NECTIN3: variants seen among roughly 807,000 people sequenced by gnomAD.
NECTIN3 encodes nectin cell adhesion molecule 3.
NECTIN3 carries 8 observed loss-of-function variants against 49.4 expected under a neutral mutation model. The observed-to-expected ratio is 0.16, with a 90% confidence interval of 0.10 to 0.29. The LOEUF (loss-of-function observed/expected upper bound fraction) is 0.29. Ranked by LOEUF, NECTIN3 falls within the 10% of genes least tolerant of loss-of-function variation. NECTIN3 has a pLI of 1.00. For synonymous variants in NECTIN3, 277 were observed against 241.1 expected (o/e 1.15, Z -1.38); for missense variants, 581 against 654.6 (o/e 0.89, Z 1.23).
At position 111,113,701 on chromosome 3, in the gene NECTIN3, A is replaced by C. The variant is rs570223198; in HGVS notation, c.502+1330A>C. ...GGAGGACATCAGTAAAAAAGGTAAC[A>C]CAAAGTACTGTATGGCTCACTCCTG... On this transcript the variant is annotated intron_variant, in intron 2 of 5. Coordinates refer to ENST00000485303, the MANE Select transcript of NECTIN3 (RefSeq NM_015480.3). Among the ~76,000 whole-genome samples, 17 of 152,254 alleles carry C rather than the reference A, an allele frequency of 1.1e-4. No individual in the cohort carries two copies. In the East Asian group the frequency reaches 2.9e-3, roughly 26 times the overall value.
At chr3:111,167,658 G>A (rs1042044962) in intron 7 of NECTIN3, among the ~76,000 whole-genome samples, 1 of 152,102 alleles carries the variant, frequency 6.6e-6, no homozygotes, top group Admixed American at 6.6e-5. Flanking sequence ...GACTATGCTG[G>A]GGATTGGTAG....
intron 3 of NECTIN3, among the ~76,000 whole-genome samples, chr3:111,121,367 G>C (rs1318325447): frequency 3.9e-5 from 6 of 152,086 alleles, no homozygotes; most frequent in Non-Finnish European, 5.9e-5. Context: ...GAGCTAAACA[G>C]AGTGATGGTT....
chr3:111,090,157 G>T (rs187584077), intron 1 of NECTIN3, among the ~76,000 whole-genome samples: 1 of 152,168 alleles, frequency 6.6e-6, no homozygotes, highest in African/African-American at 2.4e-5. Context: ...TCTTTTGTAA[G>T]CAGCAGATAT....
intron 1 of NECTIN3, among the ~76,000 whole-genome samples, chr3:111,083,365 G>A (rs72935992): frequency 0.046 from 6,965 of 152,200 alleles, 540 homozygotes; most frequent in African/African-American, 0.16. Flanking sequence ...GGTGTTAGGG[G>A]GCATAGGGCC....
rs537915784 is a variant in NECTIN3 at position 111,104,999 on chromosome 3, T to C, written c.161-7031T>C. ...TCTTCTGATCCATGAATAAAGTATGTCTCTCCATTTCTTTAGATAATTCTT... is the reference window on the plus strand; with the variant it reads ...TCTTCTGATCCATGAATAAAGTATGCCTCTCCATTTCTTTAGATAATTCTT... On this transcript the variant is annotated intron_variant, in intron 1 of 5. Coordinates refer to ENST00000485303, the MANE Select transcript of NECTIN3 (RefSeq NM_015480.3). 7.2e-5 allele frequency among the ~76,000 whole-genome samples: 11 copies of C among 152,272 alleles called. No individual in the cohort carries two copies. In the East Asian group the frequency reaches 2.1e-3, roughly 29 times the overall value.
intron 1 of NECTIN3, among the ~76,000 whole-genome samples, chr3:111,083,084 G>C (rs1193747121): frequency 6.6e-6 from 1 of 152,098 alleles, no homozygotes; most frequent in African/African-American, 2.4e-5. Flanking sequence ...TACAGATGAA[G>C]CTTCACTTGC....
At chr3:111,126,687 T>C (rs1309559276) in intron 5 of NECTIN3, among the ~76,000 whole-genome samples, 1 of 152,172 alleles carries the variant, frequency 6.6e-6, no homozygotes, top group Admixed American at 6.5e-5. Context: ...TTTTTTTCTT[T>C]TGCTTTGATG....
chr3:111,083,501 G>A (rs1374744245), intron 1 of NECTIN3, among the ~76,000 whole-genome samples: 8 of 152,192 alleles, frequency 5.3e-5, no homozygotes, highest in African/African-American at 1.9e-4. Context: ...TAGCAGAAAA[G>A]CAGGCATCTG....
chr3:111,074,391 T>A, intron 1 of NECTIN3: 1 of 349,110 alleles, frequency 2.9e-6, no homozygotes, highest in Admixed American at 3.4e-5. Flanking sequence ...AAAAGATTTT[T>A]AAGCTTTAAA....
chr3:111,076,038 C>T (rs1259376968), intron 1 of NECTIN3, among the ~76,000 whole-genome samples: 1 of 152,068 alleles, frequency 6.6e-6, no homozygotes, highest in Admixed American at 6.6e-5. Flanking sequence ...ATCAAATCTT[C>T]CTTTCTTGCA....
At chr3:111,168,220 C>G (rs925010173) in intron 7 of NECTIN3, among the ~76,000 whole-genome samples, 4 of 152,030 alleles carry the variant, frequency 2.6e-5, no homozygotes, top group African/African-American at 9.7e-5. Context: ...AAGATAGAGT[C>G]ATTAATTCTA....
chr3:111,148,488 G>A (rs2034929770), intron 7 of NECTIN3, among the ~76,000 whole-genome samples: 1 of 152,074 alleles, frequency 6.6e-6, no homozygotes, highest in South Asian at 2.1e-4. Flanking sequence ...TCATCTCTTG[G>A]CAAATAAATG....
chr3:111,103,875 G>A (rs568133305), intron 1 of NECTIN3, among the ~76,000 whole-genome samples: 9 of 152,102 alleles, frequency 5.9e-5, no homozygotes, highest in African/African-American at 1.9e-4. Flanking sequence ...ATATTTCATT[G>A]TATGGGTTTA....
At position 111,186,390 on chromosome 3, in the gene NECTIN3, C is replaced by A. The variant is rs181855998; in HGVS notation, c.1222-5961C>A. Among the ~76,000 whole-genome samples, 631 of 151,900 alleles carry A rather than the reference C, an allele frequency of 4.2e-3. 4 individuals are homozygous for A. The highest frequency in any genetic ancestry group is 7.2e-3 in the Non-Finnish European group (489 of 67,934). On this transcript the variant is annotated intron_variant, in intron 7 of 8. Coordinates refer to the NECTIN3 transcript ENST00000493615. ...AGACCAATACGACAGAATGGAGAGC[C>A]CAAAAATAAAGCTGTACAGCTAACA...
intron 1 of NECTIN3, among the ~76,000 whole-genome samples, chr3:111,094,169 G>A (rs1576089390): frequency 6.6e-6 from 1 of 150,872 alleles, no homozygotes; most frequent in South Asian, 2.1e-4. Flanking sequence ...TTTCATACAA[G>A]GAAGGAAAAG....
At chr3:111,122,723 G>A (rs1576131342) in intron 4 of NECTIN3, among the ~76,000 whole-genome samples, 1 of 152,102 alleles carries the variant, frequency 6.6e-6, no homozygotes, top group Non-Finnish European at 1.5e-5. Context: ...CTTGTCTATA[G>A]CCATTTGTTT....
At chr3:111,114,277 C>T (rs1217855160) in intron 2 of NECTIN3, among the ~76,000 whole-genome samples, 2 of 152,070 alleles carry the variant, frequency 1.3e-5, no homozygotes, top group African/African-American at 4.8e-5. Context: ...GGGTGTTTCT[C>T]TTTCTGCCTG....
At chr3:111,184,115 T>TCTG (rs2035677636) in intron 7 of NECTIN3, among the ~76,000 whole-genome samples, 1 of 152,196 alleles carries the variant, frequency 6.6e-6, no homozygotes, top group South Asian at 2.1e-4. Context: ...CAGTGTCTAC[T>TCTG]CTGCTACTAA....
chr3:111,099,431 A>G (rs998206665), intron 1 of NECTIN3, among the ~76,000 whole-genome samples: 1 of 152,202 alleles, frequency 6.6e-6, no homozygotes, highest in African/African-American at 2.4e-5. Flanking sequence ...CACTGTAGCC[A>G]TAACGTTCAT....
Sources: gnomAD v4.1 joint callset for allele counts (sites outside exome capture counted in the v4.1 genomes callset) on GRCh38, gnomAD v4.1.1 for gene constraint, MANE v1.5 for transcripts, NCBI Gene and HGNC (gene_info 2026-07-23, HGNC 2026-07-21) for gene names.